RBMS3: variants seen among roughly 807,000 people sequenced by gnomAD.
RBMS3 encodes the protein RNA binding motif single stranded interacting protein 3.
Under a neutral mutation model 66.8 loss-of-function variants are expected in RBMS3, and 27 were observed. That is an observed-to-expected ratio of 0.40 (90% CI 0.30 to 0.56). The LOEUF (loss-of-function observed/expected upper bound fraction) is 0.56. RBMS3 is among the 20% of genes least tolerant of loss of function. RBMS3 has a pLI of 0.40. For synonymous variants in RBMS3, 188 were observed against 183.0 expected, an observed-to-expected ratio of 1.03 and a Z score of -0.22; for missense variants, 513 against 549.5, an observed-to-expected ratio of 0.93 and a Z score of 0.66.
At chr3:29,895,412 T>C (rs1235106779) in intron 8 of RBMS3, among the ~76,000 whole-genome samples, 1 of 151,386 alleles carries the variant, frequency 6.6e-6, no homozygotes, top group Non-Finnish European at 1.5e-5. Flanking sequence ...TCAAATTCCC[T>C]CGTGCTCATT....
chr3:29,756,228 T>C (rs1043418014), intron 5 of RBMS3, among the ~76,000 whole-genome samples: 1 of 152,176 alleles, frequency 6.6e-6, no homozygotes, highest in Non-Finnish European at 1.5e-5. Context: ...TCCTACAATT[T>C]AACTCAGTTT....
chr3:29,367,460 A>G (rs1405845027), intron 1 of RBMS3, among the ~76,000 whole-genome samples: 1 of 152,140 alleles, frequency 6.6e-6, no homozygotes, highest in Non-Finnish European at 1.5e-5. Context: ...ATGTGCCAAT[A>G]TAAAAGCATT....
At chr3:29,509,091 A>G (rs1316383713) in intron 3 of RBMS3, among the ~76,000 whole-genome samples, 1 of 150,910 alleles carries the variant, frequency 6.6e-6, no homozygotes, top group Non-Finnish European at 1.5e-5. Context: ...TAGATTCTAG[A>G]TATTAGCCTT....
At chr3:29,418,641 T>C (rs1393549865) in intron 1 of RBMS3, among the ~76,000 whole-genome samples, 2 of 152,176 alleles carry the variant, frequency 1.3e-5, no homozygotes, top group African/African-American at 2.4e-5. Flanking sequence ...GTCTCTGTGA[T>C]GTAGTGTATA....
rs535898127 is a variant in RBMS3 at position 29,465,997 on chromosome 3, G to A, written c.249-22444G>A. On this transcript the variant is annotated intron_variant, in intron 2 of 14. Coordinates refer to ENST00000383767, the MANE Select transcript of RBMS3 (RefSeq NM_001003793.3). ...GGAAATACTGGGCTCACGATTTTTG[G>A]ATATGATTCAGTGATCAGCATGACT... Among the ~76,000 whole-genome samples the A allele has an allele frequency of 7.4e-4, 113 of 151,850 alleles. 1 individual carries two copies. Among genetic ancestry groups the A allele is most frequent in the Non-Finnish European group, 9.0e-4 (61 of 67,946 alleles).
chr3:29,763,029 C>T, intron 6 of RBMS3, 40 bp downstream of exon 6: 2 of 1,336,504 alleles, frequency 1.5e-6, no homozygotes, highest in East Asian at 2.3e-5. Flanking sequence ...GATGCCGAGG[C>T]TTAAATTGCT....
At chr3:29,456,532 A>G (rs2042197187) in intron 2 of RBMS3, among the ~76,000 whole-genome samples, 1 of 152,208 alleles carries the variant, frequency 6.6e-6, no homozygotes, top group African/African-American at 2.4e-5. Context: ...ACTGTGTGCC[A>G]CTGGATATAT....
intron 1 of RBMS3, among the ~76,000 whole-genome samples, chr3:29,377,515 C>G (rs1400685129): frequency 6.6e-6 from 1 of 152,200 alleles, no homozygotes; most frequent in Non-Finnish European, 1.5e-5. Flanking sequence ...GTTGCGTCCA[C>G]TTTCTCTGTG....
chr3:29,527,524 A>G (rs1037174027), intron 3 of RBMS3, among the ~76,000 whole-genome samples: 4 of 152,214 alleles, frequency 2.6e-5, no homozygotes, highest in Admixed American at 1.3e-4. Flanking sequence ...CTTAATTTCT[A>G]TGTAAAAGTC....
intron 6 of RBMS3, among the ~76,000 whole-genome samples, chr3:29,854,614 A>C (rs954256105): frequency 1.3e-5 from 2 of 152,214 alleles, no homozygotes; most frequent in Non-Finnish European, 2.9e-5. Context: ...CTTGATTGTT[A>C]GCTAACTTTC....
chr3:29,896,239 T>C (rs953295050), intron 8 of RBMS3, among the ~76,000 whole-genome samples: 1 of 151,406 alleles, frequency 6.6e-6, no homozygotes, highest in Non-Finnish European at 1.5e-5. Flanking sequence ...TCCTCCCATA[T>C]TTAATGGGAG....
intron 6 of RBMS3, among the ~76,000 whole-genome samples, chr3:29,796,354 T>C (rs1225678212): frequency 2.0e-5 from 3 of 152,160 alleles, no homozygotes; most frequent in Admixed American, 6.5e-5. Flanking sequence ...TTTAATGTCA[T>C]CCAGGAGTGT....
At chr3:29,664,828 G>A (rs552105805) in intron 4 of RBMS3, among the ~76,000 whole-genome samples, 1 of 152,148 alleles carries the variant, frequency 6.6e-6, no homozygotes, top group South Asian at 2.1e-4. Flanking sequence ...GGTAAATGTG[G>A]TTTATTTCTA....
chr3:29,965,485 T>A (rs1251122750), intron 12 of RBMS3, among the ~76,000 whole-genome samples: 1 of 152,194 alleles, frequency 6.6e-6, no homozygotes, highest in Admixed American at 6.5e-5. Flanking sequence ...TTAGTGATTT[T>A]GAGCATTTTT....
intron 3 of RBMS3, among the ~76,000 whole-genome samples, chr3:29,546,313 A>G (rs1225009909): frequency 1.3e-5 from 2 of 152,178 alleles, no homozygotes; most frequent in Non-Finnish European, 2.9e-5. Context: ...GTATATTGCA[A>G]AAACGTACAC....
intron 4 of RBMS3, among the ~76,000 whole-genome samples, chr3:29,593,161 T>G (rs991946847): frequency 6.6e-6 from 1 of 151,416 alleles, no homozygotes; most frequent in African/African-American, 2.5e-5. Flanking sequence ...ACTTAAAGTA[T>G]AATAAAAAAA....
intron 1 of RBMS3, among the ~76,000 whole-genome samples, chr3:29,339,649 C>A (rs949747611): frequency 6.6e-6 from 1 of 150,998 alleles, no homozygotes; most frequent in Non-Finnish European, 1.5e-5. Context: ...AGGGGAATAG[C>A]GGTATTAAAT....
chr3:29,357,650 T>A (rs1202864570), intron 1 of RBMS3, among the ~76,000 whole-genome samples: 1 of 152,230 alleles, frequency 6.6e-6, no homozygotes, highest in African/African-American at 2.4e-5. Flanking sequence ...GTTGAACTAG[T>A]TTACAGTCCC....
At chr3:29,396,748 AC>A (rs1236578922) in intron 1 of RBMS3, among the ~76,000 whole-genome samples, 1 of 152,150 alleles carries the variant, frequency 6.6e-6, no homozygotes, top group Non-Finnish European at 1.5e-5. Flanking sequence ...TATTTATGCA[AC>A]CTTTCTCTGT....
Sources: gnomAD v4.1 joint callset for allele counts (sites outside exome capture counted in the v4.1 genomes callset) on GRCh38, gnomAD v4.1.1 for gene constraint, MANE v1.5 for transcripts, NCBI Gene and HGNC (gene_info 2026-07-23, HGNC 2026-07-21) for gene names.